TCAF2: variants seen among roughly 807,000 people sequenced by gnomAD.
The protein encoded by TCAF2 is TRPM8 channel associated factor 2.
A neutral mutation model predicts 33.9 loss-of-function variants in TCAF2; 6 were observed. That is an observed-to-expected ratio of 0.18 (90% CI 0.10 to 0.35). TCAF2 has a LOEUF of 0.35. Ranked by LOEUF, TCAF2 falls within the 10% of genes least tolerant of loss-of-function variation. The pLI is 1.00. For missense variants in TCAF2, 109 were observed against 604.0 expected, an observed-to-expected ratio of 0.18 and a Z score of 8.59; for synonymous variants, 41 against 247.8, an observed-to-expected ratio of 0.17 and a Z score of 7.84.
At chr7:143,701,739 ATT>A (rs1283560215) in intron 1 of TCAF2, among the ~76,000 whole-genome samples, 1 of 85,520 alleles carries the variant, frequency 1.2e-5, no homozygotes, top group African/African-American at 4.4e-5. Context: ...TTTTAGACAT[ATT>A]CTTTGCTTTA....
rs146080705 is a variant in TCAF2, at chr7:143,729,223, C to A, written c.*1556C>A. On this transcript the variant is annotated 3_prime_UTR_variant, in exon 8 of 8. Transcript: ENST00000684770. ...CTCTGAGGTAGGTACTAGTATGATC[C>A]CCATTTCGTACATGAGGAAACTGAC... 44 of 152,132 alleles carry A rather than the reference C, an allele frequency of 2.9e-4. No individual in the cohort carries two copies. Among genetic ancestry groups the A allele is most frequent in the African/African-American group, 1.0e-3 (42 of 41,508 alleles). The allele number at this position is 152,132 out of a possible 1,614,324, so 9.4% of individuals were successfully genotyped here.
rs2116529400 is a variant in TCAF2, at chr7:143,724,518, G to A, written c.2326G>A (p.Glu776Lys). The change falls in exon 7 of 8, where the codon GAG (glutamate) becomes AAG (lysine). Residue 776 changes from glutamate to lysine, a missense_variant. Glu to Lys is a moderately conservative substitution (Grantham distance 56). Transcript: ENST00000684770. Reference protein sequence around the residue: ...HGWEFPPHTTEATCNLWSVYV... With the variant: ...HGWEFPPHTTKATCNLWSVYV... Reference sequence around the variant, plus strand: ...ATGGGAGTTCCCCCCACACACTACTGAGGCCACCTGTAACCTTTGGTCAGT... The same window carrying A: ...ATGGGAGTTCCCCCCACACACTACTAAGGCCACCTGTAACCTTTGGTCAGT... 1.9e-6 allele frequency: 3 copies of A among 1,610,922 alleles called. No individual in the cohort carries two copies. The East Asian group carries it at 6.7e-5, about 36-fold the overall frequency.
intron 1 of TCAF2, among the ~76,000 whole-genome samples, chr7:143,630,615 A>ATAG (rs1421203883): frequency 3.8e-5 from 1 of 26,538 alleles, no homozygotes; most frequent in Non-Finnish European, 6.4e-5. Context: ...ATATGGCCTG[A>ATAG]TAGTAATATA....
chr7:143,701,810 T>G (rs1809175584), intron 1 of TCAF2, among the ~76,000 whole-genome samples: 1 of 122,270 alleles, frequency 8.2e-6, no homozygotes, highest in African/African-American at 3.2e-5. Context: ...TATTTTATTT[T>G]ATTTTATTTT....
chr7:143,724,847 G>A, intron 7 of TCAF2, 150 bp downstream of exon 7: 3 of 1,551,910 alleles, frequency 1.9e-6, no homozygotes, highest in South Asian at 1.2e-5. Context: ...CCGCAGGGTG[G>A]TGCTTCTTGG....
In TCAF2 at chr7:143,728,241, T is replaced by C. The variant is rs1809728056; in HGVS notation, c.*574T>C. Reference sequence around the variant, plus strand: ...TGGTCCCATAGTGGACTGTTAACGGTGTCCAGTCTAGCGTGCACATCCTGG... The same window carrying C: ...TGGTCCCATAGTGGACTGTTAACGGCGTCCAGTCTAGCGTGCACATCCTGG... On this transcript the variant is annotated 3_prime_UTR_variant, in exon 8 of 8. Transcript: ENST00000684770. 6 of 167,638 alleles carry C rather than the reference T, an allele frequency of 3.6e-5. No homozygotes were observed. The South Asian group carries it at 8.7e-4, about 24-fold the overall frequency. 10.4% of individuals were successfully genotyped at this position (167,638 alleles called of 1,614,324 possible).
At chr7:143,648,613 C>T (rs1382663269) in intron 1 of TCAF2, among the ~76,000 whole-genome samples, 1 of 62,308 alleles carries the variant, frequency 1.6e-5, no homozygotes, top group African/African-American at 3.8e-5. Context: ...TTTATACAAA[C>T]ACACACTGTT....
In TCAF2 at chr7:143,724,502, C is replaced by T. The variant is rs753418553; in HGVS notation, c.2310C>T (p.Phe770=). 2.2e-5 allele frequency: 35 copies of T among 1,610,790 alleles called. No homozygotes were observed. The highest frequency in any genetic ancestry group is 2.9e-5 in the Non-Finnish European group (34 of 1,179,382). Residue 770 remains phenylalanine (F), a synonymous_variant, in exon 7 of 8, where the codon TTC becomes TTT. Transcript: ENST00000684770. Reference sequence around the variant, plus strand: ...ACCAACAGCGGCATGGATGGGAGTTCCCCCCACACACTACTGAGGCCACCT... The same window carrying T: ...ACCAACAGCGGCATGGATGGGAGTTTCCCCCACACACTACTGAGGCCACCT... The part of the protein sequence containing the change: ...GHNQQRHGWE[F]PPHTTEATCN...
chr7:143,642,610 TC>T, intron 1 of TCAF2: 1 of 146,244 alleles, frequency 6.8e-6, no homozygotes, highest in Non-Finnish European at 1.1e-5. Flanking sequence ...GGTCTGGTCA[TC>T]CCCTTCTCCC....
intron 1 of TCAF2, chr7:143,624,001 T>C (rs1464828): frequency 0.16 from 77,874 of 479,372 alleles, 34,531 homozygotes; most frequent in African/African-American, 0.38. Flanking sequence ...TGGCTTGGCT[T>C]CATTTCTCCT....
At chr7:143,624,686 G>A (rs1808810835) in intron 1 of TCAF2, among the ~76,000 whole-genome samples, 1 of 53,788 alleles carries the variant, frequency 1.9e-5, no homozygotes, top group Non-Finnish European at 4.6e-5. Context: ...TTAAATGCAT[G>A]AAAGAATATT....
chr7:143,724,616 G>A lies in TCAF2; in HGVS notation c.2424G>A (p.Glu808=). The A allele has an allele frequency of 1.2e-6, 2 of 1,610,860 alleles. No individual in the cohort carries two copies. The highest frequency in any genetic ancestry group is 8.5e-7 in the Non-Finnish European group (1 of 1,179,594). The change falls in exon 7 of 8, where the codon GAG becomes GAA. Residue 808 remains glutamate (E), a synonymous_variant. Transcript: ENST00000684770. ...AHEALSPPER[E]RRIKAHLGKG... is the part of the protein sequence containing the mutation. ...AGGCTCTGAGCCCTCCAGAGCGAGA[G>A]AGGAGAATCAAGGCCCACCTGGGAA...
rs1447526030 is a variant in TCAF2, at chr7:143,728,376, A to G, written c.*709A>G. 6.5e-6 allele frequency: 1 copy of G among 153,484 alleles called. No individual in the cohort carries two copies. The highest frequency in any genetic ancestry group is 1.9e-4 in the East Asian group (1 of 5,192). 9.5% of individuals were successfully genotyped at this position (153,484 alleles called of 1,614,324 possible). A position where few individuals can be genotyped will look rare whatever the true frequency, so the allele number is the denominator to read the frequency against. On this transcript the variant is annotated 3_prime_UTR_variant, in exon 8 of 8. Transcript: ENST00000684770. ...CATGGTATCAATAATGGTAGTTGTC[A>G]GCAGTATCTTAGCCCTTTCTACATT...
chr7:143,635,247 C>A (rs1280240361), intron 1 of TCAF2, among the ~76,000 whole-genome samples: 6 of 8,908 alleles, frequency 6.7e-4, no homozygotes, highest in African/African-American at 2.0e-3. Flanking sequence ...CAGCAGCGCA[C>A]TTCACACTTA....
rs777277443 is a variant in TCAF2, at chr7:143,724,630, C to T, written c.2438C>T (p.Ala813Val). Residue 813 changes from alanine to valine, a missense_variant, in exon 7 of 8, where the codon GCC becomes GTC. Ala to Val is a moderately conservative substitution (Grantham distance 64). Coordinates refer to ENST00000684770, the MANE Select transcript of TCAF2 (RefSeq NM_001363538.2). ...CCAGAGCGAGAGAGGAGAATCAAGG[C>T]CCACCTGGGAAAGGGAGCCCCCCTG... ...SPPERERRIK[A>V]HLGKGAPLCD... The T allele has an allele frequency of 3.7e-6, 6 of 1,610,440 alleles. No homozygotes were observed. In the Admixed American group the frequency reaches 6.7e-5, roughly 18 times the overall value.
chr7:143,721,727 C>T (rs1401327918), intron 4 of TCAF2, among the ~76,000 whole-genome samples: 3 of 141,644 alleles, frequency 2.1e-5, no homozygotes, highest in Non-Finnish European at 4.6e-5. Context: ...CAAATCTGTC[C>T]CATTGTACTT....
chr7:143,634,663 A>G (rs1348339545), intron 1 of TCAF2, among the ~76,000 whole-genome samples: 1 of 22,972 alleles, frequency 4.4e-5, no homozygotes, highest in East Asian at 1.1e-3. Context: ...TTTCCAAATT[A>G]TTTTCTTAAA....
rs1249709442 is a variant in TCAF2, at chr7:143,714,108, A to C, written c.624-5575A>C. On this transcript the variant is annotated intron_variant, in intron 2 of 7. Transcript: ENST00000684770. ...ATTTACTATGATTTATCTGTATTTA[A>C]GAAATTAAAAATACAAAAAAAAAGA... Among the ~76,000 whole-genome samples, 5 of 67,488 alleles carry C rather than the reference A, an allele frequency of 7.4e-5. 1 individual carries two copies. The highest frequency in any genetic ancestry group is 1.3e-4 in the Non-Finnish European group (5 of 37,402). The allele number at this position is 67,488 out of a possible 152,430, so 44.3% of individuals were successfully genotyped here.
intron 2 of TCAF2, among the ~76,000 whole-genome samples, chr7:143,718,536 C>A (rs1369980680): frequency 6.6e-6 from 1 of 151,614 alleles, no homozygotes; most frequent in African/African-American, 2.4e-5. Context: ...ATATGGTTTG[C>A]AATCTATTGT....
Sources: gnomAD v4.1 joint callset for allele counts (sites outside exome capture counted in the v4.1 genomes callset) on GRCh38, gnomAD v4.1.1 for gene constraint, MANE v1.5 for transcripts, NCBI Gene and HGNC (gene_info 2026-07-23, HGNC 2026-07-21) for gene names.